PPP1R9A: variants seen among roughly 807,000 people sequenced by gnomAD.
PPP1R9A encodes the protein protein phosphatase 1 regulatory subunit 9A, also known as neurabin-1.
A neutral mutation model predicts 141.9 loss-of-function variants in PPP1R9A; 59 were observed. That is an observed-to-expected ratio of 0.42 (90% confidence interval 0.34 to 0.52). PPP1R9A has a LOEUF of 0.52. Ranked by LOEUF, PPP1R9A falls within the 20% of genes least tolerant of loss-of-function variation. PPP1R9A has a pLI of 0.10. For synonymous variants in PPP1R9A, 500 were observed against 569.7 expected (o/e 0.88, Z 1.74); for missense variants, 1,444 against 1,611.9 (o/e 0.90, Z 1.78).
intron 17 of PPP1R9A, 130 bp from the exon 18 acceptor site, chr7:95,286,076 G>A (rs1229037648): frequency 8.4e-6 from 12 of 1,421,018 alleles, no homozygotes; most frequent in African/African-American, 4.3e-5. Context: ...CCCCATTGAA[G>A]GTCATCACCA....
At chr7:94,908,154 G>A (rs1790995813) in intron 1 of PPP1R9A, 1 of 150,610 alleles carries the variant, frequency 6.6e-6, no homozygotes, top group Non-Finnish European at 1.5e-5. Flanking sequence ...GGGGGAGGCT[G>A]AGCGCGGGGC....
intron 4 of PPP1R9A, among the ~76,000 whole-genome samples, chr7:95,144,163 C>A (rs1035254576): frequency 4.6e-5 from 7 of 152,108 alleles, no homozygotes; most frequent in African/African-American, 1.4e-4. Context: ...CCCCACTCCC[C>A]CCAGTCCCTG....
At chr7:94,985,094 A>C (rs1051754302) in intron 2 of PPP1R9A, among the ~76,000 whole-genome samples, 7 of 152,162 alleles carry the variant, frequency 4.6e-5, no homozygotes, top group African/African-American at 1.7e-4. Context: ...TTATTTACCC[A>C]GTCGTCATTC....
At position 94,910,883 on chromosome 7, in the gene PPP1R9A, C is replaced by A; in HGVS notation, c.770C>A (p.Ser257Tyr). The change falls in exon 2 of 20, where the codon TCC becomes TAC. Residue 257 changes from serine to tyrosine, a missense_variant. This residue lies in a region of PPP1R9A where 490 missense variants were observed against 521.1 expected (regional missense o/e 0.94). Transcript: ENST00000433360. The surrounding 1 kb of genome is among the most constrained non-coding windows in gnomAD (Gnocchi z 4.5). ...TTTGGTCACCTGAAGGATTCTAATT[C>A]CTGGCCTCCTTCAAACAAGCGAGGT... ...DTFGHLKDSN[S>Y]WPPSNKRGVD... The A allele has an allele frequency of 6.2e-7, 1 of 1,613,970 alleles. No individual in the cohort carries two copies. The highest frequency in any genetic ancestry group is 8.5e-7 in the Non-Finnish European group (1 of 1,180,008).
intron 2 of PPP1R9A, among the ~76,000 whole-genome samples, chr7:95,065,187 TC>T (rs1294923778): frequency 6.6e-6 from 1 of 152,142 alleles, no homozygotes; most frequent in African/African-American, 2.4e-5. Context: ...CACATCAGCC[TC>T]CTGAGTAGCT....
At chr7:95,232,740 T>C (rs913629592) in intron 8 of PPP1R9A, among the ~76,000 whole-genome samples, 2 of 152,130 alleles carry the variant, frequency 1.3e-5, no homozygotes, top group African/African-American at 4.8e-5. Context: ...AAACAAGAAA[T>C]TTATGTGGCC....
At chr7:95,175,523 A>T (rs573206134) in intron 5 of PPP1R9A, among the ~76,000 whole-genome samples, 1 of 151,996 alleles carries the variant, frequency 6.6e-6, no homozygotes, top group South Asian at 2.1e-4. Flanking sequence ...CTTAAAAGAC[A>T]TGGTAATAAT....
chr7:94,983,477 CAATTT>C (rs1800388399), intron 2 of PPP1R9A, among the ~76,000 whole-genome samples: 1 of 152,080 alleles, frequency 6.6e-6, no homozygotes, highest in Non-Finnish European at 1.5e-5. Flanking sequence ...GAATATTCTT[CAATTT>C]GTTTGTGTCA....
At chr7:95,104,523 A>G (rs1208028756) in intron 2 of PPP1R9A, among the ~76,000 whole-genome samples, 2 of 152,314 alleles carry the variant, frequency 1.3e-5, no homozygotes, top group Middle Eastern at 6.8e-3. Flanking sequence ...GCAGAGGAGT[A>G]GACTAAAGCC....
At chr7:95,261,584 T>C (rs906950280) in intron 12 of PPP1R9A, among the ~76,000 whole-genome samples, 3 of 152,130 alleles carry the variant, frequency 2.0e-5, no homozygotes, top group African/African-American at 4.8e-5. Flanking sequence ...AAGTTAATGT[T>C]TGATTTACTC....
intron 2 of PPP1R9A, among the ~76,000 whole-genome samples, chr7:95,022,515 A>C (rs542442817): frequency 6.6e-6 from 1 of 152,182 alleles, no homozygotes; most frequent in East Asian, 1.9e-4. Flanking sequence ...CCAATACTAT[A>C]TTGAATAGTA....
intron 2 of PPP1R9A, among the ~76,000 whole-genome samples, chr7:95,033,592 C>T (rs1381260015): frequency 6.6e-6 from 1 of 152,026 alleles, no homozygotes; most frequent in Non-Finnish European, 1.5e-5. Flanking sequence ...TCTTTCCCAC[C>T]TCAAGGTCAT....
chr7:95,086,878 T>A (rs1420624690), intron 2 of PPP1R9A, among the ~76,000 whole-genome samples: 1 of 151,872 alleles, frequency 6.6e-6, no homozygotes, highest in Non-Finnish European at 1.5e-5. Context: ...AAATGCTATT[T>A]TGGTTCAGAA....
intron 5 of PPP1R9A, among the ~76,000 whole-genome samples, chr7:95,181,878 G>A (rs1428966392): frequency 4.7e-5 from 7 of 149,726 alleles, no homozygotes; most frequent in Admixed American, 2.7e-4. Context: ...TGGCATTCAC[G>A]GCAACCTCGA....
intron 2 of PPP1R9A, among the ~76,000 whole-genome samples, chr7:94,961,805 C>G (rs1797672622): frequency 6.6e-6 from 1 of 151,842 alleles, no homozygotes; most frequent in South Asian, 2.1e-4. Context: ...AATCGTAGAA[C>G]AGATTTGTAT....
At chr7:95,259,112 T>C (rs537724956) in intron 12 of PPP1R9A, among the ~76,000 whole-genome samples, 1 of 152,308 alleles carries the variant, frequency 6.6e-6, no homozygotes, top group South Asian at 2.1e-4. Context: ...TATATACAAT[T>C]CACTACCACG....
rs1313403178 is a variant in PPP1R9A, at chr7:95,203,835, T to C, written c.1956+105T>C. 4 of 771,004 alleles carry C rather than the reference T, an allele frequency of 5.2e-6. No individual in the cohort carries two copies. The Admixed American group carries it at 1.2e-4, about 23-fold the overall frequency. 47.8% of individuals were successfully genotyped at this position (771,004 alleles called of 1,614,324 possible). ...TAACTATCTGTATGTTCTGAAGAAC[T>C]TCTCTAGAGTGATGTGTTTTGTGCA... On this transcript the variant is annotated intron_variant, in intron 7 of 19. Transcript: ENST00000433360.
At chr7:95,145,054 A>G (rs959776247) in intron 4 of PPP1R9A, among the ~76,000 whole-genome samples, 1 of 152,210 alleles carries the variant, frequency 6.6e-6, no homozygotes, top group Non-Finnish European at 1.5e-5. Context: ...CACACTGAAA[A>G]CTGTAATACA....
At chr7:95,204,789 C>A (rs576018924) in intron 7 of PPP1R9A, among the ~76,000 whole-genome samples, 2 of 147,722 alleles carry the variant, frequency 1.4e-5, no homozygotes, top group Non-Finnish European at 3.0e-5. Flanking sequence ...ACACCACACA[C>A]ACACCACACA....
Sources: gnomAD v4.1 joint callset for allele counts (sites outside exome capture counted in the v4.1 genomes callset) on GRCh38, gnomAD v4.1.1 for gene constraint, gnomAD v4.1.1 regional missense constraint, Gnocchi (gnomAD v3.1) non-coding constraint, MANE v1.5 for transcripts, NCBI Gene and HGNC (gene_info 2026-07-23, HGNC 2026-07-21) for gene names.